IL9R: variants seen among roughly 807,000 people sequenced by gnomAD.
IL9R encodes the protein interleukin-9 receptor.
Under a neutral mutation model 56.3 loss-of-function variants are expected in IL9R, and 54 were observed. That is an observed-to-expected ratio of 0.96 (90% CI 0.77 to 1.20). IL9R has a LOEUF of 1.20. Ranked by LOEUF, IL9R falls within the 50% of genes most tolerant of loss-of-function variation. The pLI is 0.00. For missense variants in IL9R, 545 were observed against 629.8 expected, an observed-to-expected ratio of 0.87 and a Z score of 1.44; for synonymous variants, 212 against 250.2, an observed-to-expected ratio of 0.85 and a Z score of 1.44.
intron 5 of IL9R, among the ~76,000 whole-genome samples, chrX:156,005,006 T>C (rs2067819517): frequency 6.6e-6 from 1 of 152,120 alleles, no homozygotes; most frequent in Admixed American, 6.5e-5. Context: ...TTTATGAGTG[T>C]GCATGCAAGT....
rs759452961 is a variant in IL9R, at chrX:156,006,710, C to A, written c.887+522C>A. 1.5e-3 allele frequency among the ~76,000 whole-genome samples: 230 copies of A among 152,012 alleles called. 2 individuals are homozygous for A. Among genetic ancestry groups the A allele is most frequent in the South Asian group, 2.7e-3 (13 of 4,822 alleles). On this transcript the variant is annotated intron_variant, in intron 7 of 8. Transcript: ENST00000244174. Reference sequence around the variant, plus strand: ...AGGGTGCAGGGGCCATGTCAGGCCGCAGATGTGAGGAAGAGGGTGTGGGGA... The same window carrying A: ...AGGGTGCAGGGGCCATGTCAGGCCGAAGATGTGAGGAAGAGGGTGTGGGGA...
intron 6 of IL9R, 56 bp from the exon 7 acceptor site, chrX:156,006,027 G>A (rs1277994292): frequency 3.4e-6 from 3 of 886,172 alleles, no homozygotes; most frequent in Non-Finnish European, 5.5e-6. Context: ...GGTGGGTTTG[G>A]GGGGAGCCTC....
rs1259084106 is a variant in IL9R at position 156,004,224 on chromosome X, G to A, written c.434-196G>A. 7 of 615,266 alleles carry A rather than the reference G, an allele frequency of 1.1e-5. No homozygotes were observed. The Admixed American group carries it at 2.1e-4, about 18-fold the overall frequency. The allele number at this position is 615,266 out of a possible 1,614,324, so 38.1% of individuals were successfully genotyped here. The stretch of plus-strand genomic sequence containing the variant: ...AAGATTTAGAAACCACCTAGTCTAG[G>A]TGCAGAGGCCAGAGGAAGTCATTGC... On this transcript the variant is annotated intron_variant, in intron 4 of 8. Coordinates refer to ENST00000244174, the MANE Select transcript of IL9R (RefSeq NM_002186.3).
At chrX:156,005,221 A>T (rs1181649113) in intron 5 of IL9R, 57 bp from the exon 6 acceptor site, 6 of 1,395,074 alleles carry the variant, frequency 4.3e-6, no homozygotes, top group Non-Finnish European at 6.1e-6. Context: ...TGTATTCTCG[A>T]GGGCTGAGGG....
intron 8 of IL9R, among the ~76,000 whole-genome samples, chrX:156,009,134 TG>T (rs2068248922): frequency 6.7e-6 from 1 of 148,842 alleles, no homozygotes. Flanking sequence ...TGTTTGTGTG[TG>T]TGTTTGTGTG....
chrX:156,003,881 C>T (rs368584100), intron 4 of IL9R, 26 bp downstream of exon 4: 70 of 1,612,034 alleles, frequency 4.3e-5, no homozygotes, highest in African/African-American at 1.2e-4. Context: ...AGGTCTGGGG[C>T]GGGGCCGCTT....
At chrX:156,002,518 C>A in intron 1 of IL9R, among the ~76,000 whole-genome samples, 1 of 152,274 alleles carries the variant, frequency 6.6e-6, no homozygotes, top group East Asian at 1.9e-4. Context: ...GTGACCAGTT[C>A]CCCCAACCCT....
At chrX:156,002,472 T>A (rs2067599342) in intron 1 of IL9R, among the ~76,000 whole-genome samples, 1 of 152,144 alleles carries the variant, frequency 6.6e-6, no homozygotes. Context: ...GTTGTGAGAA[T>A]TAAAGTAGAA....
intron 1 of IL9R, among the ~76,000 whole-genome samples, chrX:156,000,907 T>C (rs1162001555): frequency 6.6e-6 from 1 of 152,160 alleles, no homozygotes; most frequent in Admixed American, 6.5e-5. Flanking sequence ...GAGCCAGGTA[T>C]TGGGCAGGTC....
At chrX:156,002,876 G>T (rs1299432523) in intron 1 of IL9R, 30 bp from the exon 2 acceptor site, 2 of 1,613,216 alleles carry the variant, frequency 1.2e-6, no homozygotes, top group Non-Finnish European at 1.7e-6. Context: ...GGGATGATTT[G>T]CACAGGGCCC....
At chrX:156,009,236 CGTGTG>C (rs754233602) in intron 8 of IL9R, among the ~76,000 whole-genome samples, 78,097 of 132,940 alleles carry the variant, frequency 0.59, 20,540 homozygotes, top group Non-Finnish European at 0.66. Context: ...TGTGTGTGTT[CGTGTG>C]GTGTGTGTGT....
intron 1 of IL9R, among the ~76,000 whole-genome samples, chrX:156,002,023 T>C (rs1254318105): frequency 1.3e-5 from 2 of 151,962 alleles, no homozygotes; most frequent in Non-Finnish European, 2.9e-5. Flanking sequence ...TGGATGGGTC[T>C]TTATTTAAGA....
At chrX:156,001,828 C>CCT (rs1363097177) in intron 1 of IL9R, among the ~76,000 whole-genome samples, 1 of 152,210 alleles carries the variant, frequency 6.6e-6, no homozygotes, top group Non-Finnish European at 1.5e-5. Flanking sequence ...CTCTAGCCAA[C>CCT]CTCTGGCTCC....
chrX:156,004,825 C>A (rs1471568043), intron 5 of IL9R, among the ~76,000 whole-genome samples: 1 of 151,716 alleles, frequency 6.6e-6, no homozygotes, highest in African/African-American at 2.4e-5. Context: ...TATGTGTACA[C>A]ATATGTAACT....
Position 156,005,384 on chromosome X carries a change from C to T in IL9R, c.686C>T (p.Ala229Val), listed in dbSNP as rs761718440. 5.0e-6 allele frequency: 8 copies of T among 1,612,854 alleles called. No individual in the cohort carries two copies. Among genetic ancestry groups the T allele is most frequent in the Middle Eastern group, 1.8e-4 (1 of 5,428 alleles). Residue 229 changes from alanine (A) to valine (V), a missense_variant, in exon 6 of 9, where the codon GCC becomes GTC. This residue lies in a region of IL9R where 431 missense variants were observed against 360.0 expected (regional missense o/e 1.20). Transcript: ENST00000244174. ...IHEARLRVQMATLEDDVVEEE... is the reference protein window; with the variant it reads ...IHEARLRVQMVTLEDDVVEEE... ...GAGGCCAGGCTGCGTGTCCAGATGG[C>T]CACACTGGAGGATGATGTGGTAGAG...
intron 1 of IL9R, among the ~76,000 whole-genome samples, chrX:155,998,701 G>A: frequency 6.6e-6 from 1 of 152,154 alleles, no homozygotes; most frequent in East Asian, 1.9e-4. Context: ...CAGAAGCAAG[G>A]GCAGCCTCTG....
In IL9R at chrX:156,010,174, G is replaced by C. The variant is rs773917568; in HGVS notation, c.1331G>C (p.Cys444Ser). 1 of 1,515,680 alleles carries C rather than the reference G, an allele frequency of 6.6e-7. No individual in the cohort carries two copies. The highest frequency in any genetic ancestry group is 8.7e-7 in the Non-Finnish European group (1 of 1,149,360). 93.9% of individuals were successfully genotyped at this position (1,515,680 alleles called of 1,614,324 possible). A position where few individuals can be genotyped will look rare whatever the true frequency, so the allele number is the denominator to read the frequency against. Reference protein sequence around the residue: ...SSSSSNNNNYCALGCYGGWHL... With the variant: ...SSSSSNNNNYSALGCYGGWHL... ...AGCAGCAGCAACAACAACAACTACT[G>C]TGCCTTGGGCTGCTATGGGGGATGG... The change falls in exon 9 of 9, where the codon TGT (cysteine) becomes TCT (serine). Residue 444 changes from cysteine to serine, a missense_variant. Transcript: ENST00000244174.
intron 2 of IL9R, 71 bp downstream of exon 2, chrX:156,003,090 C>A: frequency 2.5e-6 from 4 of 1,592,378 alleles, no homozygotes; most frequent in Non-Finnish European, 3.4e-6. Context: ...ACTGGGTTGT[C>A]CGATGTCAAG....
At chrX:156,000,430 T>C (rs2067440559) in intron 1 of IL9R, among the ~76,000 whole-genome samples, 1 of 152,018 alleles carries the variant, frequency 6.6e-6, no homozygotes, top group Non-Finnish European at 1.5e-5. Context: ...ACTGAGGCCA[T>C]GGAATGGGTG....
Sources: gnomAD v4.1 joint callset for allele counts (sites outside exome capture counted in the v4.1 genomes callset) on GRCh38, gnomAD v4.1.1 for gene constraint, gnomAD v4.1.1 regional missense constraint, MANE v1.5 for transcripts, NCBI Gene and HGNC (gene_info 2026-07-23, HGNC 2026-07-21) for gene names.